The following CDK5RAP2 variants were observed in gnomAD, a reference collection of about 807,000 sequenced individuals.
CDK5RAP2 encodes the protein CDK5 regulatory subunit-associated protein 2.
In CDK5RAP2, 147 loss-of-function variants were observed where a neutral mutation model predicts 232.9. The ratio of observed to expected loss-of-function variants is 0.63; its 90% CI spans 0.55 to 0.72. The LOEUF (loss-of-function observed/expected upper bound fraction) is 0.72, where lower values mean the gene tolerates loss of function less well. CDK5RAP2 is among the 30% of genes least tolerant of loss of function. The pLI, the probability that CDK5RAP2 is intolerant of heterozygous loss-of-function variation, is 0.00. For missense variants in CDK5RAP2, 2,195 were observed against 2,231.5 expected, an observed-to-expected ratio of 0.98 and a Z score of 0.33; for synonymous variants, 833 against 833.7, an observed-to-expected ratio of 1.00 and a Z score of 0.01.
intron 20 of CDK5RAP2, among the ~76,000 whole-genome samples, chr9:120,455,488 C>CCTA (rs1201112135): frequency 6.6e-6 from 1 of 151,960 alleles, no homozygotes; most frequent in Non-Finnish European, 1.5e-5. Context: ...TGCCTATAAT[C>CCTA]CTAGCACTTT....
At chr9:120,404,719 G>A (rs902124388) in intron 32 of CDK5RAP2, among the ~76,000 whole-genome samples, 1 of 152,190 alleles carries the variant, frequency 6.6e-6, no homozygotes, top group Non-Finnish European at 1.5e-5. Context: ...TCTGTATTTT[G>A]TACTGAAAGA....
rs112120549 is a variant in CDK5RAP2, at chr9:120,408,133, G to A, written c.4726+214C>T. ...ACAAGTGAGTGGGAACCCGGACCTC[G>A]GCTGGCCTGGGTGCTGAGCCTCAGT... On this transcript the variant is annotated intron_variant, in intron 31 of 37. Coordinates refer to ENST00000349780, the MANE Select transcript of CDK5RAP2 (RefSeq NM_018249.6). 1,930 of 603,910 alleles carry A rather than the reference G, an allele frequency of 3.2e-3. 22 individuals are homozygous for A. The highest frequency in any genetic ancestry group is 0.013 in the South Asian group (695 of 55,178). The allele number at this position is 603,910 out of a possible 1,614,324, so 37.4% of individuals were successfully genotyped here.
At chr9:120,530,801 G>A (rs2041115027) in intron 7 of CDK5RAP2, among the ~76,000 whole-genome samples, 1 of 141,418 alleles carries the variant, frequency 7.1e-6, no homozygotes, top group South Asian at 2.3e-4. Context: ...GGTGGGAATT[G>A]AACAATGAGA....
rs550506290 is a variant in CDK5RAP2 at position 120,505,383 on chromosome 9, T to TC, written c.1311+13043dup. 2.3e-4 allele frequency among the ~76,000 whole-genome samples: 35 copies of TC among 152,254 alleles called. 1 individual carries two copies. Among genetic ancestry groups the TC allele is most frequent in the Admixed American group, 2.2e-3 (34 of 15,292 alleles). On this transcript the variant is annotated intron_variant, in intron 12 of 37. Coordinates refer to ENST00000349780, the MANE Select transcript of CDK5RAP2 (RefSeq NM_018249.6). ...TCCAAGAGCTCCACCAACTGGCCAT[T>TC]CCCTGTCTCCTTCCCTCTCCTCATG...
At chr9:120,577,015 G>A (rs1474321385) in intron 1 of CDK5RAP2, among the ~76,000 whole-genome samples, 1 of 152,162 alleles carries the variant, frequency 6.6e-6, no homozygotes, top group Non-Finnish European at 1.5e-5. Context: ...ACCAGTCACA[G>A]AAGGACAAAT....
At chr9:120,433,428 C>T (rs2035394440) in intron 25 of CDK5RAP2, among the ~76,000 whole-genome samples, 1 of 152,164 alleles carries the variant, frequency 6.6e-6, no homozygotes, top group Non-Finnish European at 1.5e-5. Flanking sequence ...TAATTTAATT[C>T]TTACAAAGGC....
At chr9:120,465,946 C>T (rs1424740191) in intron 18 of CDK5RAP2, among the ~76,000 whole-genome samples, 10 of 152,174 alleles carry the variant, frequency 6.6e-5, no homozygotes, top group Admixed American at 5.2e-4. Context: ...CACACAAATA[C>T]AGAAGGAACA....
At chr9:120,392,477 ACTT>A (rs1404399955) in intron 36 of CDK5RAP2, among the ~76,000 whole-genome samples, 2 of 152,084 alleles carry the variant, frequency 1.3e-5, no homozygotes, top group Non-Finnish European at 2.9e-5. Context: ...ATCGAAACCT[ACTT>A]CTGCAATTTT....
chr9:120,398,432 C>G (rs1238742849), intron 35 of CDK5RAP2, among the ~76,000 whole-genome samples: 3 of 152,100 alleles, frequency 2.0e-5, no homozygotes, highest in African/African-American at 7.2e-5. Flanking sequence ...CCTTAGAATA[C>G]TTCTACTAGA....
At chr9:120,459,019 C>T (rs1259640352) in intron 19 of CDK5RAP2, among the ~76,000 whole-genome samples, 1 of 152,202 alleles carries the variant, frequency 6.6e-6, no homozygotes, top group Non-Finnish European at 1.5e-5. Context: ...CCTTACAGCC[C>T]AATCCTTGAA....
intron 10 of CDK5RAP2, 131 bp from the exon 11 acceptor site, chr9:120,525,209 G>T (rs2040846786): frequency 6.7e-6 from 5 of 747,660 alleles, no homozygotes. Flanking sequence ...GATTCGAGTG[G>T]GATTTCCAGT....
chr9:120,539,234 A>G, intron 5 of CDK5RAP2, 70 bp from the exon 6 acceptor site: 1 of 1,592,384 alleles, frequency 6.3e-7, no homozygotes, highest in Non-Finnish European at 8.6e-7. Context: ...AGCCCCAAAG[A>G]GACAAGGAGT....
At position 120,520,796 on chromosome 9, in the gene CDK5RAP2, TATATCTC is replaced by T. The variant is rs1167349608; in HGVS notation, c.1093-2158_1093-2152del. The stretch of plus-strand genomic sequence containing the variant: ...CAGATATCTCATGAGATATATCTCA[TATATCTC>T]ATGAGATATATCTCATATATATCTC... On this transcript the variant is annotated intron_variant, in intron 11 of 37. Transcript: ENST00000349780. Among the ~76,000 whole-genome samples the T allele has an allele frequency of 2.2e-3, 327 of 149,112 alleles. 1 individual carries two copies. The highest frequency in any genetic ancestry group is 3.8e-3 in the Admixed American group (57 of 14,986).
At chr9:120,392,216 T>C (rs928589845) in intron 36 of CDK5RAP2, among the ~76,000 whole-genome samples, 1 of 152,074 alleles carries the variant, frequency 6.6e-6, no homozygotes, top group African/African-American at 2.4e-5. Flanking sequence ...ATTTTACAGA[T>C]GAGAAAACTG....
intron 29 of CDK5RAP2, 98 bp from the exon 30 acceptor site, chr9:120,409,414 G>C: frequency 1.1e-6 from 1 of 895,154 alleles, no homozygotes. Flanking sequence ...AAAAGAATGA[G>C]ATTCGATCTG....
chr9:120,497,440 A>AAAAAAAAAAAAAAAAG (rs2039356064), intron 12 of CDK5RAP2, among the ~76,000 whole-genome samples: 1 of 144,910 alleles, frequency 6.9e-6, no homozygotes, highest in African/African-American at 2.5e-5. Flanking sequence ...AAAAAAAAAA[A>AAAAAAAAAAAAAAAAG]AAAAAAAAAA....
At chr9:120,540,138 TG>T (rs1460589636) in intron 5 of CDK5RAP2, among the ~76,000 whole-genome samples, 5 of 152,150 alleles carry the variant, frequency 3.3e-5, no homozygotes, top group African/African-American at 1.2e-4. Flanking sequence ...CCGGCAGTGG[TG>T]GGAACGGCAC....
At chr9:120,414,456 A>G (rs924952755) in intron 28 of CDK5RAP2, among the ~76,000 whole-genome samples, 1 of 152,238 alleles carries the variant, frequency 6.6e-6, no homozygotes, top group Non-Finnish European at 1.5e-5. Flanking sequence ...ATGGATATAG[A>G]GTACGTTACC....
intron 26 of CDK5RAP2, among the ~76,000 whole-genome samples, chr9:120,420,577 C>T (rs1482325942): frequency 1.3e-5 from 2 of 152,034 alleles, no homozygotes; most frequent in Non-Finnish European, 2.9e-5. Flanking sequence ...TTCCCAAGGA[C>T]CACCTAAGCC....
Sources: allele counts gnomAD v4.1 joint callset (sites outside exome capture counted in the v4.1 genomes callset), GRCh38; gene constraint gnomAD v4.1.1; transcripts MANE v1.5; gene names NCBI Gene and HGNC (gene_info 2026-07-23, HGNC 2026-07-21).